SLC12A7: variants seen among roughly 807,000 people sequenced by gnomAD.
SLC12A7 encodes solute carrier family 12 member 7, also known as K-Cl cotransporter 4.
A neutral mutation model predicts 120.6 loss-of-function variants in SLC12A7; 100 were observed. The observed-to-expected ratio is 0.83, with a 90% CI of 0.71 to 0.98. The LOEUF is 0.98. Ranked by LOEUF, SLC12A7 falls within the 50% of genes least tolerant of loss-of-function variation. The probability of loss-of-function intolerance (pLI) is 0.00; values close to 1 mark genes in which losing one functional copy is unlikely to be tolerated. For missense variants in SLC12A7, 1,373 were observed against 1,548.1 expected (o/e 0.89, Z 1.90); for synonymous variants, 760 against 678.0 (o/e 1.12, Z -1.88).
chr5:1,127,235 G>C, the SLC12A7 span, among the ~76,000 whole-genome samples: 432 of 152,230 alleles, frequency 2.8e-3, 1 homozygote, highest in African/African-American at 9.9e-3. Flanking sequence ...GGATAGTCTC[G>C]ATCTCTTGAC....
the SLC12A7 span, among the ~76,000 whole-genome samples, chr5:1,148,717 G>A: frequency 3.3e-5 from 5 of 152,204 alleles, no homozygotes; most frequent in African/African-American, 1.2e-4. Context: ...CAGAAGAAAG[G>A]CTGACGGTTG....
rs781201748 is a variant in SLC12A7 at position 1,057,582 on chromosome 5, G to C, written c.2915C>G (p.Pro972Arg). Reference protein sequence around the residue: ...TAAAARTQAPPTPDKVQMTWT... With the variant: ...TAAAARTQAPRTPDKVQMTWT... Reference sequence around the variant, plus strand: ...GGTCATCTGCACCTTGTCTGGCGTAGGCGGCGCTTGGGTCCTGGCTGCCGC... The same window carrying C: ...GGTCATCTGCACCTTGTCTGGCGTACGCGGCGCTTGGGTCCTGGCTGCCGC... Residue 972 changes from proline to arginine, a missense_variant, in exon 22 of 24, where the codon CCT (proline) becomes CGT (arginine). Coordinates refer to ENST00000264930, the MANE Select transcript of SLC12A7 (RefSeq NM_006598.3). 6.2e-7 allele frequency: 1 copy of C among 1,611,552 alleles called. No homozygotes were observed. Among genetic ancestry groups the C allele is most frequent in the East Asian group, 2.2e-5 (1 of 44,874 alleles).
the SLC12A7 span, among the ~76,000 whole-genome samples, chr5:1,152,677 G>GC: frequency 1.3e-5 from 2 of 152,078 alleles, no homozygotes; most frequent in Non-Finnish European, 2.9e-5. Flanking sequence ...GAACGGAGAC[G>GC]CCCCCCGGAC....
At chr5:1,082,281 C>T (rs866723430) in intron 8 of SLC12A7, among the ~76,000 whole-genome samples, 1,561 of 138,718 alleles carry the variant, frequency 0.011, no homozygotes, top group African/African-American at 0.016. Flanking sequence ...CGGGCTTCCC[C>T]GTCTCGGGTT....
rs185785527 is a variant in SLC12A7 at position 1,073,908 on chromosome 5, G to A, written c.2073-107C>T. The A allele has an allele frequency of 1.4e-4, 161 of 1,114,808 alleles. 2 individuals are homozygous for A. In the Middle Eastern group the frequency reaches 7.8e-3, roughly 54 times the overall value. 69.1% of individuals were successfully genotyped at this position (1,114,808 alleles called of 1,614,324 possible). On this transcript the variant is annotated intron_variant, in intron 16 of 23. Transcript: ENST00000264930. ...GCGGGGCACACGACACAGGTGGGACGGGAGATACATGACAGGCGGGACAGG... is the reference window on the plus strand; with the variant it reads ...GCGGGGCACACGACACAGGTGGGACAGGAGATACATGACAGGCGGGACAGG...
chr5:1,069,344 C>T lies in SLC12A7; in HGVS notation c.2242-3866G>A, dbSNP rs189043511. 1.1e-3 allele frequency among the ~76,000 whole-genome samples: 160 copies of T among 152,334 alleles called. 3 individuals carry two copies. The highest frequency in any genetic ancestry group is 9.7e-3 in the South Asian group (47 of 4,832). ...GCAGGGTTCCCACCCCTAGGCTGACCGGCCCAGACCTGGACGGGCCTCAGT... is the reference window on the plus strand; with the variant it reads ...GCAGGGTTCCCACCCCTAGGCTGACTGGCCCAGACCTGGACGGGCCTCAGT... On this transcript the variant is annotated intron_variant, in intron 17 of 23. Coordinates refer to ENST00000264930, the MANE Select transcript of SLC12A7 (RefSeq NM_006598.3).
intron 13 of SLC12A7, 142 bp from the exon 14 acceptor site, chr5:1,076,378 T>G: frequency 8.5e-6 from 6 of 703,922 alleles, no homozygotes; most frequent in Non-Finnish European, 1.4e-5. Context: ...GTGAGCTGAC[T>G]CAGACTGATT....
intron 3 of SLC12A7, among the ~76,000 whole-genome samples, chr5:1,090,479 GGGTATGCTTTGTTCTT>G (rs1246109560): frequency 6.6e-6 from 1 of 152,180 alleles, no homozygotes; most frequent in African/African-American, 2.4e-5. Context: ...CTCCAAATCT[GGGTATGCTTTGTTCTT>G]GGTGCAAACG....
chr5:1,094,986 AC>A (rs1441775079), intron 1 of SLC12A7, among the ~76,000 whole-genome samples: 9 of 112,380 alleles, frequency 8.0e-5, no homozygotes, highest in Middle Eastern at 4.6e-3. Flanking sequence ...GGCCCATGTG[AC>A]GGTGTTAGAA....
Position 1,084,506 on chromosome 5 carries a change from C to A in SLC12A7, c.918-550G>T, listed in dbSNP as rs140370138. 4.8e-4 allele frequency among the ~76,000 whole-genome samples: 73 copies of A among 152,326 alleles called. 1 individual carries two copies. The highest frequency in any genetic ancestry group is 6.8e-3 in the Middle Eastern group (2 of 294). ...ACGGCCAAGAGCACAGGAGTGCCGC[C>A]CCCGACGTATAAGCCAGGCCTGTAC... is the stretch of plus-strand genomic sequence containing the variant. On this transcript the variant is annotated intron_variant, in intron 7 of 23. Coordinates refer to ENST00000264930, the MANE Select transcript of SLC12A7 (RefSeq NM_006598.3).
intron 20 of SLC12A7, among the ~76,000 whole-genome samples, chr5:1,061,164 G>A (rs1177016000): frequency 3.7e-5 from 1 of 27,114 alleles, no homozygotes; most frequent in African/African-American, 5.2e-5. Flanking sequence ...CCCGCCGTGC[G>A]GGACCCCTGC....
chr5:1,137,802 G>A, the SLC12A7 span, among the ~76,000 whole-genome samples: 2 of 152,234 alleles, frequency 1.3e-5, no homozygotes. Flanking sequence ...TGGCGGAGAA[G>A]ACAGCACAAG....
chr5:1,083,532 G>T (rs1362748745), intron 8 of SLC12A7, among the ~76,000 whole-genome samples: 1 of 152,232 alleles, frequency 6.6e-6, no homozygotes, highest in African/African-American at 2.4e-5. Flanking sequence ...CATGACGGAG[G>T]CTGTCTCCCT....
intron 1 of SLC12A7, among the ~76,000 whole-genome samples, chr5:1,107,254 C>T (rs1405631585): frequency 6.6e-6 from 1 of 152,238 alleles, no homozygotes; most frequent in Non-Finnish European, 1.5e-5. Flanking sequence ...TAGGCGTAGC[C>T]TTAACCTCGG....
chr5:1,154,174 GTCCCTA>G, the SLC12A7 span, among the ~76,000 whole-genome samples: 1 of 151,898 alleles, frequency 6.6e-6, no homozygotes, highest in Middle Eastern at 3.2e-3. Context: ...ACAGGCTTGT[GTCCCTA>G]ACCCTAACCC....
chr5:1,149,421 A>T, the SLC12A7 span, among the ~76,000 whole-genome samples: 1 of 151,840 alleles, frequency 6.6e-6, no homozygotes, highest in East Asian at 1.9e-4. Context: ...TACTAAAAAT[A>T]TAAAAATTAG....
At chr5:1,083,377 C>G (rs1408713422) in intron 8 of SLC12A7, among the ~76,000 whole-genome samples, 1 of 152,208 alleles carries the variant, frequency 6.6e-6, no homozygotes, top group East Asian at 1.9e-4. Flanking sequence ...GGGGCAGGTC[C>G]GAGGCAGCCT....
chr5:1,090,574 G>C (rs1740382305), intron 3 of SLC12A7, among the ~76,000 whole-genome samples: 1 of 152,212 alleles, frequency 6.6e-6, no homozygotes, highest in Non-Finnish European at 1.5e-5. Flanking sequence ...TGAGAGCCCA[G>C]GGCAGAGGTG....
At position 1,065,491 on chromosome 5, in the gene SLC12A7, G is replaced by A; in HGVS notation, c.2242-13C>T. On this transcript the variant is annotated splice_polypyrimidine_tract_variant and intron_variant, in intron 17 of 23. Transcript: ENST00000264930. ...GGGACCGTATGTTCTGCGGGAGACA[G>A]GACAGGTTGGTGCTACAGCAGGAAT... The A allele has an allele frequency of 6.4e-7, 1 of 1,554,338 alleles. No homozygotes were observed. Among genetic ancestry groups the A allele is most frequent in the Non-Finnish European group, 8.7e-7 (1 of 1,145,212 alleles).
Sources: gnomAD v4.1 joint callset for allele counts (sites outside exome capture counted in the v4.1 genomes callset) on GRCh38, gnomAD v4.1.1 for gene constraint, MANE v1.5 for transcripts, NCBI Gene and HGNC (gene_info 2026-07-23, HGNC 2026-07-21) for gene names.